CSPP1: variants seen among roughly 807,000 people sequenced by gnomAD.
CSPP1 encodes centrosome and spindle pole associated protein 1.
In CSPP1, 126 loss-of-function variants were observed where a neutral mutation model predicts 164.4. The ratio of observed to expected loss-of-function variants is 0.77; its 90% CI spans 0.66 to 0.89. CSPP1 has a LOEUF of 0.89. Ranked by LOEUF, CSPP1 falls within the 40% of genes least tolerant of loss-of-function variation. The pLI is 0.00. For missense variants in CSPP1, 1,395 were observed against 1,449.8 expected, an observed-to-expected ratio of 0.96 and a Z score of 0.61; for synonymous variants, 472 against 476.7, an observed-to-expected ratio of 0.99 and a Z score of 0.13.
intron 10 of CSPP1, 115 bp downstream of exon 10, chr8:67,112,180 C>G (rs187746237): frequency 6.0e-6 from 3 of 498,456 alleles, no homozygotes; most frequent in East Asian, 7.7e-5. Flanking sequence ...TTGTAAATCA[C>G]TTATATTTTC....
intron 2 of CSPP1, among the ~76,000 whole-genome samples, chr8:67,075,276 A>T (rs1302877998): frequency 2.0e-5 from 3 of 152,216 alleles, no homozygotes; most frequent in Non-Finnish European, 4.4e-5. Flanking sequence ...TACAGCATGT[A>T]GTTTAATCTG....
intron 3 of CSPP1, among the ~76,000 whole-genome samples, chr8:67,079,132 C>T (rs1390720051): frequency 1.3e-5 from 2 of 152,158 alleles, no homozygotes; most frequent in Non-Finnish European, 2.9e-5. Flanking sequence ...GACTTCTCAT[C>T]TTATACATTC....
chr8:67,190,139 T>C (rs769542982), intron 28 of CSPP1, among the ~76,000 whole-genome samples: 3 of 152,230 alleles, frequency 2.0e-5, no homozygotes, highest in Non-Finnish European at 4.4e-5. Context: ...TGAATGTTCA[T>C]AGCAGTGTTA....
At chr8:67,070,479 A>T (rs1806509896) in intron 1 of CSPP1, among the ~76,000 whole-genome samples, 1 of 150,184 alleles carries the variant, frequency 6.7e-6, no homozygotes, top group Non-Finnish European at 1.5e-5. Context: ...AAAAAAAAAA[A>T]GCTGAAATAA....
At chr8:67,165,640 A>G (rs1175924284) in intron 24 of CSPP1, among the ~76,000 whole-genome samples, 1 of 152,192 alleles carries the variant, frequency 6.6e-6, no homozygotes, top group African/African-American at 2.4e-5. Context: ...GATTTGACTG[A>G]TGTTTTCTGA....
Position 67,181,396 on chromosome 8 carries a change from G to A in CSPP1, c.3220+1470G>A, listed in dbSNP as rs560960371. Among the ~76,000 whole-genome samples, 7 of 149,302 alleles carry A rather than the reference G, an allele frequency of 4.7e-5. No homozygotes were observed. The East Asian group carries it at 5.9e-4, about 13-fold the overall frequency. ...TTCCTTTCCAAGGAAGATGCACTGC[G>A]GAGAGAAGGAAAGATAAAACCAGCA... On this transcript the variant is annotated intron_variant, in intron 28 of 30. Coordinates refer to ENST00000678616, the MANE Select transcript of CSPP1 (RefSeq NM_001382391.1).
At chr8:67,065,154 A>G (rs1805281531) in intron 1 of CSPP1, among the ~76,000 whole-genome samples, 2 of 152,008 alleles carry the variant, frequency 1.3e-5, no homozygotes, top group Non-Finnish European at 2.9e-5. Flanking sequence ...AACTTATTTA[A>G]TCTTCACCGT....
At chr8:67,168,562 TCTTAAGTTCTAA>T (rs886923952) in intron 24 of CSPP1, among the ~76,000 whole-genome samples, 12 of 152,222 alleles carry the variant, frequency 7.9e-5, no homozygotes, top group African/African-American at 2.9e-4. Context: ...TATTTGTGAC[TCTTAAGTTCTAA>T]CTTAAGTTAT....
chr8:67,161,811 C>G lies in CSPP1; in HGVS notation c.2539C>G (p.His847Asp). ...CTCTTAAATTTTTTAAATTTTTCAG[C>G]ACATGAGACAGCCTTCTCCTATAGT... is the stretch of plus-strand genomic sequence containing the variant. The part of the protein sequence containing the change: ...RDNLIGEETK[H>D]MRQPSPIVPA... Residue 847 changes from histidine to aspartate, a missense_variant and splice_region_variant, in exon 22 of 31, where the codon CAC becomes GAC. Physicochemically the swap from His to Asp is moderately conservative, Grantham distance 81 (BLOSUM62 -1). Coordinates refer to ENST00000678616, the MANE Select transcript of CSPP1 (RefSeq NM_001382391.1). The G allele has an allele frequency of 6.2e-7, 1 of 1,607,498 alleles. No homozygotes were observed. Among genetic ancestry groups the G allele is most frequent in the Non-Finnish European group, 8.5e-7 (1 of 1,175,328 alleles).
intron 7 of CSPP1, 46 bp downstream of exon 7, chr8:67,095,778 TA>T: frequency 9.1e-7 from 1 of 1,094,776 alleles, no homozygotes; most frequent in Non-Finnish European, 1.3e-6. Context: ...TATAGCAAAT[TA>T]ATTGTTAATA....
intron 9 of CSPP1, among the ~76,000 whole-genome samples, chr8:67,111,466 C>G (rs1234787638): frequency 1.3e-5 from 2 of 151,980 alleles, no homozygotes; most frequent in Non-Finnish European, 2.9e-5. Flanking sequence ...GAGGACTTAT[C>G]CAAGGTTAAT....
intron 7 of CSPP1, among the ~76,000 whole-genome samples, chr8:67,097,367 G>A (rs1338353650): frequency 1.3e-5 from 2 of 151,970 alleles, no homozygotes; most frequent in Non-Finnish European, 2.9e-5. Context: ...TATTTACCTT[G>A]ATTTAGGTAA....
chr8:67,139,853 G>A (rs1168451470), intron 17 of CSPP1, among the ~76,000 whole-genome samples: 5 of 152,102 alleles, frequency 3.3e-5, no homozygotes, highest in Admixed American at 1.3e-4. Flanking sequence ...TGGGGTGAGG[G>A]GAGCGGGGAG....
chr8:67,185,222 TC>T (rs982836712), intron 28 of CSPP1, among the ~76,000 whole-genome samples: 2 of 152,196 alleles, frequency 1.3e-5, no homozygotes, highest in African/African-American at 4.8e-5. Flanking sequence ...TTTATCTCCG[TC>T]CACCTTCTTT....
chr8:67,166,030 C>T (rs1257150583), intron 24 of CSPP1, among the ~76,000 whole-genome samples: 1 of 152,146 alleles, frequency 6.6e-6, no homozygotes, highest in African/African-American at 2.4e-5. Context: ...GGGTTATAAG[C>T]CAGTGCTACA....
intron 29 of CSPP1, 30 bp from the exon 30 acceptor site, chr8:67,193,434 A>T: frequency 6.3e-7 from 1 of 1,597,174 alleles, no homozygotes; most frequent in Non-Finnish European, 8.6e-7. Context: ...TGTGTTAATG[A>T]CTTTCTGAAG....
At chr8:67,159,684 G>A (rs1046411088) in intron 21 of CSPP1, among the ~76,000 whole-genome samples, 13 of 150,676 alleles carry the variant, frequency 8.6e-5, no homozygotes, top group African/African-American at 1.5e-4. Context: ...ATCATGCCCA[G>A]CTAATTTTTG....
intron 28 of CSPP1, among the ~76,000 whole-genome samples, chr8:67,185,899 C>G (rs749807780): frequency 6.6e-6 from 1 of 152,038 alleles, no homozygotes; most frequent in Admixed American, 6.5e-5. Context: ...AAGAATCCTT[C>G]AAAAAAACAG....
At chr8:67,158,422 T>TCTTGTA in intron 19 of CSPP1, 25 bp from the exon 20 acceptor site, 1 of 1,544,958 alleles carries the variant, frequency 6.5e-7, no homozygotes, top group Non-Finnish European at 8.8e-7. Context: ...TTTTACAAGA[T>TCTTGTA]AAATAACTAA....
Sources: gnomAD v4.1 joint callset for allele counts (sites outside exome capture counted in the v4.1 genomes callset) on GRCh38, gnomAD v4.1.1 for gene constraint, MANE v1.5 for transcripts, NCBI Gene and HGNC (gene_info 2026-07-23, HGNC 2026-07-21) for gene names.